NRXN1: variants seen among roughly 807,000 people sequenced by gnomAD.
NRXN1 encodes the protein neurexin 1.
In NRXN1, 39 loss-of-function variants were observed where a neutral mutation model predicts 150.9. That is an observed-to-expected ratio of 0.26 (90% CI 0.20 to 0.34). NRXN1 has a LOEUF of 0.34. Ranked by LOEUF, NRXN1 falls within the 10% of genes least tolerant of loss-of-function variation. The probability of loss-of-function intolerance (pLI) is 1.00; values close to 1 mark genes in which losing one functional copy is unlikely to be tolerated. For missense variants in NRXN1, 1,815 were observed against 1,949.9 expected (o/e 0.93, Z 1.30); for synonymous variants, 924 against 757.0 (o/e 1.22, Z -3.62).
At chr2:50,487,818 T>A (rs6723039) in intron 15 of NRXN1, among the ~76,000 whole-genome samples, 8,340 of 152,224 alleles carry the variant, frequency 0.055, 795 homozygotes, top group African/African-American at 0.19. Flanking sequence ...CCTTTGTCCA[T>A]TACAGATCTA....
intron 5 of NRXN1, among the ~76,000 whole-genome samples, chr2:50,876,686 A>T (rs1269405543): frequency 6.6e-6 from 1 of 151,854 alleles, no homozygotes; most frequent in Non-Finnish European, 1.5e-5. Flanking sequence ...CCAGTTTATC[A>T]CAGTAACTAA....
In NRXN1 at chr2:49,921,721, T is replaced by C. The variant is rs199672198; in HGVS notation, c.*223A>G. On this transcript the variant is annotated 3_prime_UTR_variant, in exon 23 of 23. Transcript: ENST00000401669. Reference sequence around the variant, plus strand: ...AGAGTAAATGAAAACACTGTGGATGTTAGGGAATTTATTGGCCCCTGTTTT... The same window carrying C: ...AGAGTAAATGAAAACACTGTGGATGCTAGGGAATTTATTGGCCCCTGTTTT... 2.2e-5 allele frequency: 12 copies of C among 549,404 alleles called. No homozygotes were observed. The highest frequency in any genetic ancestry group is 3.4e-5 in the Admixed American group (1 of 29,442). The allele number at this position is 549,404 out of a possible 1,614,324, so 34.0% of individuals were successfully genotyped here. A position where few individuals can be genotyped will look rare whatever the true frequency, so the allele number is the denominator to read the frequency against.
intron 17 of NRXN1, among the ~76,000 whole-genome samples, chr2:50,413,295 A>G (rs1179050509): frequency 2.0e-5 from 3 of 152,254 alleles, no homozygotes; most frequent in Non-Finnish European, 4.4e-5. Context: ...ACATTTCTCA[A>G]AAGAAGACAT....
chr2:50,053,676 G>A, intron 20 of NRXN1, 86 bp from the exon 21 acceptor site: 1 of 1,344,584 alleles, frequency 7.4e-7, no homozygotes, highest in South Asian at 1.2e-5. Flanking sequence ...CTTTTATGGG[G>A]TGAATAATGA....
chr2:49,927,999 C>A (rs1274486633), intron 22 of NRXN1, among the ~76,000 whole-genome samples: 1 of 151,772 alleles, frequency 6.6e-6, no homozygotes, highest in Non-Finnish European at 1.5e-5. Context: ...GAACCTGGCA[C>A]ACCAAGGATA....
At chr2:50,061,107 A>G (rs576192364) in intron 19 of NRXN1, among the ~76,000 whole-genome samples, 9 of 152,282 alleles carry the variant, frequency 5.9e-5, no homozygotes, top group African/African-American at 2.2e-4. Context: ...GGGGTAATGG[A>G]AGTATATTAT....
intron 12 of NRXN1, among the ~76,000 whole-genome samples, chr2:50,523,339 G>A (rs2092849713): frequency 6.6e-6 from 1 of 152,038 alleles, no homozygotes; most frequent in East Asian, 1.9e-4. Context: ...TCACTGACAG[G>A]CAATGACTGG....
At chr2:50,676,461 A>C (rs1345923988) in intron 5 of NRXN1, among the ~76,000 whole-genome samples, 3 of 152,150 alleles carry the variant, frequency 2.0e-5, no homozygotes, top group South Asian at 2.1e-4. Context: ...ATTGATTTTC[A>C]TTTCTCCTCC....
intron 18 of NRXN1, among the ~76,000 whole-genome samples, chr2:50,234,976 T>C (rs1428122401): frequency 6.6e-6 from 1 of 152,056 alleles, no homozygotes; most frequent in Non-Finnish European, 1.5e-5. Context: ...ATACCTATTC[T>C]TGCAGTCTAA....
chr2:50,367,180 A>G (rs2079643701), intron 17 of NRXN1, among the ~76,000 whole-genome samples: 1 of 151,984 alleles, frequency 6.6e-6, no homozygotes, highest in Non-Finnish European at 1.5e-5. Flanking sequence ...GAATAAGGCT[A>G]TCCTCGTCTC....
intron 4 of NRXN1, among the ~76,000 whole-genome samples, chr2:50,922,201 A>G (rs563367222): frequency 1.3e-4 from 20 of 151,986 alleles, no homozygotes; most frequent in African/African-American, 4.3e-4. Context: ...TATACTCAGC[A>G]TTCTACAAGC....
intron 18 of NRXN1, among the ~76,000 whole-genome samples, chr2:50,117,269 C>A (rs148378597): frequency 6.6e-6 from 1 of 152,038 alleles, no homozygotes; most frequent in Admixed American, 6.6e-5. Flanking sequence ...TCCTTTAAGT[C>A]GGCAAGATCC....
intron 2 of NRXN1, among the ~76,000 whole-genome samples, chr2:51,018,110 AC>A (rs1669019582): frequency 6.6e-6 from 1 of 152,056 alleles, no homozygotes; most frequent in Non-Finnish European, 1.5e-5. Context: ...GAGGTCCCAA[AC>A]AACAGTACCT....
chr2:50,298,257 G>A (rs2073815447), intron 17 of NRXN1, among the ~76,000 whole-genome samples: 3 of 151,970 alleles, frequency 2.0e-5, no homozygotes, highest in Non-Finnish European at 4.4e-5. Context: ...GATTTTTCAG[G>A]AAGGAAAGGA....
chr2:50,721,093 A>G (rs2105121902), intron 5 of NRXN1, among the ~76,000 whole-genome samples: 1 of 152,272 alleles, frequency 6.6e-6, no homozygotes, highest in African/African-American at 2.4e-5. Flanking sequence ...ATAGATAGAA[A>G]CATGGAAATT....
chr2:50,481,641 C>T (rs1202022073), intron 15 of NRXN1, among the ~76,000 whole-genome samples: 11 of 151,968 alleles, frequency 7.2e-5, no homozygotes, highest in African/African-American at 2.4e-4. Context: ...GAGGGGCAAC[C>T]CCAAGAAGAT....
intron 5 of NRXN1, among the ~76,000 whole-genome samples, chr2:50,913,838 C>T (rs928254672): frequency 2.0e-5 from 3 of 151,602 alleles, no homozygotes; most frequent in Non-Finnish European, 3.0e-5. Context: ...AAGAATACAT[C>T]CCGAAAATGG....
rs1172937305 is a variant in NRXN1, at chr2:50,213,963, G to A, written c.3546+22826C>T. Among the ~76,000 whole-genome samples, 7 of 151,936 alleles carry A rather than the reference G, an allele frequency of 4.6e-5. No individual in the cohort carries two copies. The East Asian group carries it at 9.7e-4, about 21-fold the overall frequency. On this transcript the variant is annotated intron_variant, in intron 18 of 22. Coordinates refer to ENST00000401669, the MANE Select transcript of NRXN1 (RefSeq NM_001330078.2). ...TTGATTAGTTTTACTTGGCAACTTC[G>A]TAAAACTATTGACTTACATTAAGTT...
intron 21 of NRXN1, among the ~76,000 whole-genome samples, chr2:50,018,604 G>GA (rs1474694887): frequency 6.6e-6 from 1 of 152,126 alleles, no homozygotes; most frequent in East Asian, 1.9e-4. Context: ...GAAGATATGT[G>GA]AAAATTTCTG....
Sources: gnomAD v4.1 joint callset for allele counts (sites outside exome capture counted in the v4.1 genomes callset) on GRCh38, gnomAD v4.1.1 for gene constraint, MANE v1.5 for transcripts, NCBI Gene and HGNC (gene_info 2026-07-23, HGNC 2026-07-21) for gene names.